The following RORA variants were observed in gnomAD, a reference collection of about 807,000 sequenced individuals.
The protein encoded by RORA is RAR related orphan receptor A.
Under a neutral mutation model 69.5 loss-of-function variants are expected in RORA, and 7 were observed. The observed-to-expected ratio is 0.10, with a 90% CI of 0.06 to 0.19. RORA has a LOEUF of 0.19. Among genes scored for constraint, RORA ranks in the 10% least tolerant of loss-of-function variants. The pLI, the probability that RORA is intolerant of heterozygous loss-of-function variation, is 1.00. For synonymous variants in RORA, 261 were observed against 240.8 expected (o/e 1.08, Z -0.78); for missense variants, 457 against 663.0 (o/e 0.69, Z 3.41).
At chr15:60,804,984 A>G (rs1038085501) in intron 1 of RORA, among the ~76,000 whole-genome samples, 13 of 152,234 alleles carry the variant, frequency 8.5e-5, no homozygotes, top group Non-Finnish European at 2.9e-5. Flanking sequence ...CTCATCGCCC[A>G]AGTAAATCAA....
At chr15:60,512,755 AT>A (rs1232128150) in intron 4 of RORA, among the ~76,000 whole-genome samples, 6 of 152,242 alleles carry the variant, frequency 3.9e-5, no homozygotes, top group Non-Finnish European at 8.8e-5. Context: ...ATGTGTCCCC[AT>A]ATTTAAAGTG....
chr15:60,837,226 T>C (rs1260292207), intron 1 of RORA, among the ~76,000 whole-genome samples: 4 of 152,174 alleles, frequency 2.6e-5, no homozygotes, highest in Non-Finnish European at 5.9e-5. Context: ...TTCCTTCCTG[T>C]CACTGAAACT....
intron 2 of RORA, among the ~76,000 whole-genome samples, chr15:60,631,638 T>A (rs999368810): frequency 6.6e-6 from 1 of 151,226 alleles, no homozygotes; most frequent in Non-Finnish European, 1.5e-5. Flanking sequence ...AAAAAAAAAA[T>A]GTAGAGCTTT....
intron 1 of RORA, among the ~76,000 whole-genome samples, chr15:60,980,735 A>AT (rs1366452988): frequency 6.6e-6 from 1 of 151,944 alleles, no homozygotes; most frequent in South Asian, 2.1e-4. Context: ...CCCTTCTCTC[A>AT]TTTTTTAATA....
chr15:60,779,802 T>C (rs767828724), intron 1 of RORA, among the ~76,000 whole-genome samples: 12 of 152,230 alleles, frequency 7.9e-5, no homozygotes, highest in Non-Finnish European at 1.8e-4. Flanking sequence ...CTGATATTCT[T>C]TCCATTGACT....
intron 1 of RORA, among the ~76,000 whole-genome samples, chr15:61,141,871 T>G (rs1485224917): frequency 6.7e-6 from 1 of 149,656 alleles, no homozygotes; most frequent in African/African-American, 2.5e-5. Flanking sequence ...TAACACCTCA[T>G]TAGCAAAGAG....
intron 2 of RORA, among the ~76,000 whole-genome samples, chr15:60,641,065 A>C (rs2069935842): frequency 6.6e-6 from 1 of 152,006 alleles, no homozygotes; most frequent in Non-Finnish European, 1.5e-5. Flanking sequence ...CCATCCTCCC[A>C]CCTTAACCTC....
intron 1 of RORA, among the ~76,000 whole-genome samples, chr15:60,755,248 C>T (rs1459759761): frequency 1.3e-5 from 2 of 148,954 alleles, no homozygotes. Context: ...GGTTTTTTGT[C>T]CTTGCTATAA....
intron 2 of RORA, among the ~76,000 whole-genome samples, chr15:60,555,803 A>C (rs2067341247): frequency 6.6e-6 from 1 of 152,108 alleles, no homozygotes; most frequent in Admixed American, 6.6e-5. Context: ...TGTTGAGCAA[A>C]ATGACTTTAA....
In RORA at chr15:60,511,767, A is replaced by C. The variant is rs1466928488; in HGVS notation, c.425-146T>G. The C allele has an allele frequency of 3.5e-5, 29 of 838,862 alleles. No individual in the cohort carries two copies. Among genetic ancestry groups the C allele is most frequent in the Non-Finnish European group, 3.6e-6 (2 of 554,838 alleles). 52.0% of individuals were successfully genotyped at this position (838,862 alleles called of 1,614,324 possible). A position where few individuals can be genotyped will look rare whatever the true frequency, so the allele number is the denominator to read the frequency against. Reference sequence around the variant, plus strand: ...AAAATAAGGACATATTCAGAGGTGAAAACAGTTCCAACCCACACAGACTCG... The same window carrying C: ...AAAATAAGGACATATTCAGAGGTGACAACAGTTCCAACCCACACAGACTCG... On this transcript the variant is annotated intron_variant, in intron 4 of 10. Transcript: ENST00000335670. This position sits in a 1 kb window ranked among gnomAD's most constrained non-coding sequence, Gnocchi z 6.4.
intron 1 of RORA, among the ~76,000 whole-genome samples, chr15:61,217,061 T>C (rs1355413291): frequency 5.9e-5 from 9 of 152,038 alleles, no homozygotes; most frequent in Admixed American, 1.3e-4. Context: ...GAAGGCCCCA[T>C]TGGAAATATA....
chr15:60,807,217 C>A (rs2072671889), intron 1 of RORA, among the ~76,000 whole-genome samples: 1 of 152,182 alleles, frequency 6.6e-6, no homozygotes, highest in East Asian at 1.9e-4. Flanking sequence ...ACCAAAGTTT[C>A]AAGGTACAAA....
At position 60,894,567 on chromosome 15, in the gene RORA, T is replaced by C. The variant is rs192411984; in HGVS notation, c.167-215881A>G. Among the ~76,000 whole-genome samples, 312 of 152,320 alleles carry C rather than the reference T, an allele frequency of 2.0e-3. 1 individual carries two copies. The highest frequency in any genetic ancestry group is 6.8e-3 in the African/African-American group (283 of 41,570). Reference sequence around the variant, plus strand: ...GAGGATGGTTCCTTTGCAGTCTTCCTGGAGGATGAGCAAGGGGATCAGAAA... The same window carrying C: ...GAGGATGGTTCCTTTGCAGTCTTCCCGGAGGATGAGCAAGGGGATCAGAAA... On this transcript the variant is annotated intron_variant, in intron 1 of 10. Coordinates refer to ENST00000335670, the MANE Select transcript of RORA (RefSeq NM_134261.3).
chr15:60,721,374 A>T (rs1161577925), intron 1 of RORA, among the ~76,000 whole-genome samples: 1 of 152,242 alleles, frequency 6.6e-6, no homozygotes, highest in Admixed American at 6.5e-5. Context: ...TCACAAATAG[A>T]TAAGAGGAAA....
intron 1 of RORA, among the ~76,000 whole-genome samples, chr15:61,066,198 C>G (rs1319156769): frequency 2.0e-5 from 3 of 152,116 alleles, no homozygotes; most frequent in East Asian, 1.9e-4. Context: ...ACAAACACAG[C>G]CTAATGATTC....
intron 1 of RORA, among the ~76,000 whole-genome samples, chr15:61,020,178 TA>T (rs1895457457): frequency 6.6e-6 from 1 of 152,190 alleles, no homozygotes; most frequent in East Asian, 1.9e-4. Flanking sequence ...AAACGCTTCA[TA>T]TATGTCTTTC....
intron 1 of RORA, among the ~76,000 whole-genome samples, chr15:61,161,087 C>T (rs891991187): frequency 6.6e-6 from 1 of 152,104 alleles, no homozygotes; most frequent in Non-Finnish European, 1.5e-5. Flanking sequence ...CATCTTCTTA[C>T]TCAGAAGCCC....
intron 1 of RORA, among the ~76,000 whole-genome samples, chr15:61,200,666 G>A (rs530808722): frequency 3.3e-5 from 5 of 152,170 alleles, no homozygotes; most frequent in African/African-American, 7.2e-5. Context: ...TGACTCAGGA[G>A]GGCACAGGCT....
chr15:61,194,841 C>G (rs2079832712), intron 1 of RORA, among the ~76,000 whole-genome samples: 1 of 151,916 alleles, frequency 6.6e-6, no homozygotes, highest in Non-Finnish European at 1.5e-5. Flanking sequence ...TGACCTTGGG[C>G]AAGTTAATTA....
Sources: gnomAD v4.1 joint callset for allele counts (sites outside exome capture counted in the v4.1 genomes callset) on GRCh38, gnomAD v4.1.1 for gene constraint, Gnocchi (gnomAD v3.1) non-coding constraint, MANE v1.5 for transcripts, NCBI Gene and HGNC (gene_info 2026-07-23, HGNC 2026-07-21) for gene names.